Variants in SMAD6 observed in about 807,000 individuals in gnomAD.
SMAD6 encodes SMAD family member 6, also known as MAD homolog 6.
Under a neutral mutation model 39.4 loss-of-function variants are expected in SMAD6, and 103 were observed. That is an observed-to-expected ratio of 2.62 (90% CI 2.23 to 3.08). The LOEUF (loss-of-function observed/expected upper bound fraction) is 3.08, where lower values mean the gene tolerates loss of function less well. Ranked by LOEUF, SMAD6 falls within the 30% of genes most tolerant of loss-of-function variation. SMAD6 has a pLI of 0.00. For missense variants in SMAD6, 1,104 were observed against 742.9 expected, an observed-to-expected ratio of 1.49 and a Z score of -5.65; for synonymous variants, 445 against 353.3, an observed-to-expected ratio of 1.26 and a Z score of -2.91.
chr15:66,710,115 A>G (rs1893198965), intron 1 of SMAD6, among the ~76,000 whole-genome samples: 1 of 152,218 alleles, frequency 6.6e-6, no homozygotes, highest in Admixed American at 6.5e-5. Flanking sequence ...TCCCAGCTCC[A>G]CCATGACTGG....
At chr15:66,753,727 G>A (rs1567108257) in intron 3 of SMAD6, among the ~76,000 whole-genome samples, 2 of 152,204 alleles carry the variant, frequency 1.3e-5, no homozygotes, top group Non-Finnish European at 2.9e-5. Context: ...TGAACTTGAA[G>A]AGGAAATTTA....
chr15:66,735,950 G>A (rs554273085), intron 3 of SMAD6, among the ~76,000 whole-genome samples: 1 of 152,218 alleles, frequency 6.6e-6, no homozygotes, highest in South Asian at 2.1e-4. Context: ...CACGGTATCC[G>A]CGACATGGGT....
intron 3 of SMAD6, among the ~76,000 whole-genome samples, chr15:66,750,033 A>G (rs537788363): frequency 2.8e-4 from 43 of 152,216 alleles, no homozygotes; most frequent in Middle Eastern, 3.4e-3. Context: ...GCCCTCACAC[A>G]CGTGTTCTTT....
intron 3 of SMAD6, among the ~76,000 whole-genome samples, chr15:66,759,336 A>G (rs1894158051): frequency 6.7e-6 from 1 of 150,304 alleles, no homozygotes; most frequent in Non-Finnish European, 1.5e-5. Flanking sequence ...GACAGAGAGG[A>G]AGAGAGAGAG....
At chr15:66,755,844 C>T (rs1348025095) in intron 3 of SMAD6, among the ~76,000 whole-genome samples, 4 of 152,130 alleles carry the variant, frequency 2.6e-5, no homozygotes, top group Non-Finnish European at 4.4e-5. Context: ...GGAGCCTGCC[C>T]GAGGTGAGCA....
chr15:66,778,388 G>A (rs1341480610), intron 3 of SMAD6, among the ~76,000 whole-genome samples: 1 of 152,266 alleles, frequency 6.6e-6, no homozygotes, highest in East Asian at 1.9e-4. Flanking sequence ...AGAGAAAGTC[G>A]CTTCCCCTGC....
At chr15:66,780,031 C>A (rs1036932457) in intron 3 of SMAD6, among the ~76,000 whole-genome samples, 4 of 152,182 alleles carry the variant, frequency 2.6e-5, no homozygotes, top group African/African-American at 9.7e-5. Flanking sequence ...GAGTCAGTGA[C>A]AAGGGATTTC....
chr15:66,761,460 G>C (rs1894197514), intron 3 of SMAD6, among the ~76,000 whole-genome samples: 1 of 152,238 alleles, frequency 6.6e-6, no homozygotes, highest in South Asian at 2.1e-4. Context: ...CAGGCAGGGA[G>C]TTGTTCCGAC....
intron 3 of SMAD6, among the ~76,000 whole-genome samples, chr15:66,769,205 C>T (rs1473132482): frequency 2.0e-5 from 3 of 152,140 alleles, no homozygotes; most frequent in East Asian, 1.9e-4. Context: ...GCCGACTCCG[C>T]GGGTGTTGGA....
At chr15:66,762,386 C>T (rs1894215449) in intron 3 of SMAD6, among the ~76,000 whole-genome samples, 1 of 152,186 alleles carries the variant, frequency 6.6e-6, no homozygotes, top group African/African-American at 2.4e-5. Flanking sequence ...CTCAGTGGCA[C>T]TTCTGCTGGC....
chr15:66,724,014 C>A (rs1047002555), intron 3 of SMAD6, among the ~76,000 whole-genome samples: 1 of 152,158 alleles, frequency 6.6e-6, no homozygotes, highest in Non-Finnish European at 1.5e-5. Context: ...CTATAGATAA[C>A]CTTTCAAGTA....
At chr15:66,724,743 A>G (rs1032362168) in intron 3 of SMAD6, among the ~76,000 whole-genome samples, 3 of 152,146 alleles carry the variant, frequency 2.0e-5, no homozygotes, top group Non-Finnish European at 4.4e-5. Context: ...CAAGCCCCCC[A>G]GTGGCTCTGC....
intron 3 of SMAD6, among the ~76,000 whole-genome samples, chr15:66,756,240 A>T (rs71398281): frequency 6.6e-6 from 1 of 151,764 alleles, no homozygotes; most frequent in Non-Finnish European, 1.5e-5. Flanking sequence ...GCCCTTTAAA[A>T]AAATTTTTTT....
At chr15:66,769,181 C>T (rs763610552) in intron 3 of SMAD6, among the ~76,000 whole-genome samples, 1 of 152,204 alleles carries the variant, frequency 6.6e-6, no homozygotes, top group Non-Finnish European at 1.5e-5. Flanking sequence ...TAGAGGAAAC[C>T]AGCCCCTGGC....
At position 66,703,483 on chromosome 15, in the gene SMAD6, AGGCGCCCAGGGCGCGGGGAGGCGCC is replaced by A. The variant is rs1893025784; in HGVS notation, c.231_255del (p.Gly81ProfsTer36). The A allele has an allele frequency of 5.7e-6, 7 of 1,236,230 alleles. No homozygotes were observed. The highest frequency in any genetic ancestry group is 7.1e-6 in the Non-Finnish European group (7 of 985,996). The allele number at this position is 1,236,230 out of a possible 1,614,324, so 76.6% of individuals were successfully genotyped here. The stretch of plus-strand genomic sequence containing the variant: ...GGCCCCGGGACGCAGTGGGACAGCG[AGGCGCCCAGGGCGCGGGGAGGCGCC>A]GGCGCGCAGGGGGCCCCCCGAGGCC... On this transcript the variant is annotated frameshift_variant, in exon 1 of 4. Coordinates refer to ENST00000288840, the MANE Select transcript of SMAD6 (RefSeq NM_005585.5). LOFTEE classifies it high-confidence loss of function.
Position 66,744,347 on chromosome 15 carries a change from G to A in SMAD6, c.952+27849G>A, listed in dbSNP as rs146328696. ...AGGCCATCTGGGAATGCACTAAAGA[G>A]TAGAGACCAGGTCTGTGTCCTCAGG... is the stretch of plus-strand genomic sequence containing the variant. On this transcript the variant is annotated intron_variant, in intron 3 of 3. Transcript: ENST00000288840. 2.0e-3 allele frequency among the ~76,000 whole-genome samples: 305 copies of A among 152,328 alleles called. 1 individual carries two copies. The highest frequency in any genetic ancestry group is 3.4e-3 in the Non-Finnish European group (228 of 68,034).
intron 3 of SMAD6, among the ~76,000 whole-genome samples, chr15:66,773,901 A>G (rs72758530): frequency 0.11 from 16,999 of 152,114 alleles, 1,001 homozygotes; most frequent in Middle Eastern, 0.21. Flanking sequence ...AGGCCCATCA[A>G]TGAGGGGCTG....
chr15:66,729,270 G>A (rs8024238), intron 3 of SMAD6, among the ~76,000 whole-genome samples: 81,246 of 151,922 alleles, frequency 0.53, 22,159 homozygotes, highest in East Asian at 0.84. Flanking sequence ...CCCTGAGGCC[G>A]GATTTTAAGC....
intron 3 of SMAD6, among the ~76,000 whole-genome samples, chr15:66,775,933 G>A (rs1567114377): frequency 6.6e-6 from 1 of 152,204 alleles, no homozygotes; most frequent in Non-Finnish European, 1.5e-5. Flanking sequence ...TGCAGCTGTG[G>A]GAAGTACAGA....
Sources: allele counts gnomAD v4.1 joint callset (sites outside exome capture counted in the v4.1 genomes callset), GRCh38; gene constraint gnomAD v4.1.1; transcripts MANE v1.5; gene names NCBI Gene and HGNC (gene_info 2026-07-23, HGNC 2026-07-21).